Variants in PLXND1 observed in about 807,000 individuals in gnomAD.
PLXND1 encodes plexin D1.
In PLXND1, 54 loss-of-function variants were observed where a neutral mutation model predicts 197.7. The observed-to-expected ratio is 0.27, with a 90% CI of 0.22 to 0.34. PLXND1 has a LOEUF of 0.34. Ranked by LOEUF, PLXND1 falls within the 10% of genes least tolerant of loss-of-function variation. The pLI is 1.00. For synonymous variants in PLXND1, 1,180 were observed against 1,161.2 expected (o/e 1.02, Z -0.33); for missense variants, 2,127 against 2,699.2 (o/e 0.79, Z 4.70).
rs192464570 is a variant in PLXND1 at position 129,557,426 on chromosome 3, G to T, written c.5446-203C>A. Among the ~76,000 whole-genome samples the T allele has an allele frequency of 1.3e-5, 2 of 152,248 alleles. No individual in the cohort carries two copies. Among genetic ancestry groups the T allele is most frequent in the East Asian group, 3.9e-4 (2 of 5,172 alleles). On this transcript the variant is annotated intron_variant, in intron 33 of 35. Coordinates refer to ENST00000324093, the MANE Select transcript of PLXND1 (RefSeq NM_015103.3). This position sits in a 1 kb window ranked among gnomAD's most constrained non-coding sequence, Gnocchi z 4.8. ...CTCCTCACTGTGCTCTGTCTGCCCC[G>T]CCTACTTTCCCCAGGACTGTTAGGA...
rs765232687 is a variant in PLXND1 at position 129,563,142 on chromosome 3, T to TTAC, written c.4619_4620insGTA (p.Thr1540_Leu1541insTer). On this transcript the variant is annotated stop_gained and inframe_insertion, in exon 26 of 36. Transcript: ENST00000324093. LOFTEE classifies it high-confidence loss of function. ...CCCGCAGCAGCCACTCCTCACTGAG[T>TTAC]GTGTAGCGGGCCTTGCCTGTGATGG... The TTAC allele has an allele frequency of 6.2e-7, 1 of 1,612,632 alleles. No homozygotes were observed. Among genetic ancestry groups the TTAC allele is most frequent in the Non-Finnish European group, 8.5e-7 (1 of 1,179,454 alleles).
At chr3:129,582,721 A>C (rs1054175854) in intron 8 of PLXND1, among the ~76,000 whole-genome samples, 2 of 152,222 alleles carry the variant, frequency 1.3e-5, no homozygotes, top group Non-Finnish European at 2.9e-5. Flanking sequence ...AAGTCTCAGA[A>C]ACCAACCAGG....
rs956369173 is a variant in PLXND1, at chr3:129,565,603, C to T, written c.4323-65G>A. On this transcript the variant is annotated intron_variant, in intron 24 of 35. Transcript: ENST00000324093. Reference sequence around the variant, plus strand: ...CTAGGAGCTGTGGGTCCCAGGGTCTCAGTGCCGCCTCATCCCCGGGCCCAT... The same window carrying T: ...CTAGGAGCTGTGGGTCCCAGGGTCTTAGTGCCGCCTCATCCCCGGGCCCAT... The T allele has an allele frequency of 2.9e-6, 4 of 1,394,902 alleles. No individual in the cohort carries two copies. In the African/African-American group the frequency reaches 5.7e-5, roughly 20 times the overall value. 86.4% of individuals were successfully genotyped at this position (1,394,902 alleles called of 1,614,324 possible). A position where few individuals can be genotyped will look rare whatever the true frequency, so the allele number is the denominator to read the frequency against.
chr3:129,585,220 A>G (rs1307070251), intron 5 of PLXND1, among the ~76,000 whole-genome samples: 1 of 152,236 alleles, frequency 6.6e-6, no homozygotes, highest in Non-Finnish European at 1.5e-5. Context: ...ACGGCAGGGC[A>G]GGGCAGAGGA....
intron 1 of PLXND1, among the ~76,000 whole-genome samples, chr3:129,590,832 A>C (rs1560079101): frequency 6.6e-6 from 1 of 152,232 alleles, no homozygotes; most frequent in South Asian, 2.1e-4. Context: ...CCCAGGTAGC[A>C]GACTTGAGCC....
At chr3:129,574,538 C>T (rs765610017) in intron 11 of PLXND1, 48 bp from the exon 12 acceptor site, 2 of 1,563,834 alleles carry the variant, frequency 1.3e-6, no homozygotes, top group East Asian at 4.5e-5. Flanking sequence ...GCGGTGCATG[C>T]CCCAACACCG....
At chr3:129,564,572 G>C (rs1305636949) in intron 25 of PLXND1, among the ~76,000 whole-genome samples, 2 of 152,238 alleles carry the variant, frequency 1.3e-5, no homozygotes, top group Non-Finnish European at 2.9e-5. Context: ...CCTCCAGGCA[G>C]CCCTCTAGCC....
intron 23 of PLXND1, chr3:129,566,270 C>G (rs970771644): frequency 3.4e-6 from 2 of 596,436 alleles, no homozygotes; most frequent in Admixed American, 2.9e-5. Flanking sequence ...CTTCCATTTT[C>G]TAAGCAGGTT....
At chr3:129,570,441 G>T (rs1345180184) in intron 19 of PLXND1, among the ~76,000 whole-genome samples, 1 of 152,150 alleles carries the variant, frequency 6.6e-6, no homozygotes, top group Non-Finnish European at 1.5e-5. Context: ...CATGCAAGGA[G>T]ATAGTGTTCT....
Position 129,562,961 on chromosome 3 carries a change from G to C in PLXND1, c.4669-18C>G. 1.2e-6 allele frequency: 2 copies of C among 1,602,320 alleles called. No homozygotes were observed. The highest frequency in any genetic ancestry group is 4.5e-5 in the East Asian group (2 of 44,486). On this transcript the variant is annotated intron_variant, in intron 26 of 35. Coordinates refer to ENST00000324093, the MANE Select transcript of PLXND1 (RefSeq NM_015103.3). ...TTCAGGTTCTGCAGGGGGAGAGTGG[G>C]AGAGAAAGGTCAGTGAGTTGCTGCC...
intron 1 of PLXND1, among the ~76,000 whole-genome samples, chr3:129,589,824 G>A (rs779882791): frequency 1.3e-5 from 2 of 152,054 alleles, no homozygotes; most frequent in African/African-American, 2.4e-5. Flanking sequence ...CAGGGAGGCC[G>A]GCCAGGGTGA....
chr3:129,605,699 G>C lies in PLXND1; in HGVS notation c.941C>G (p.Ala314Gly). 1 of 1,539,202 alleles carries C rather than the reference G, an allele frequency of 6.5e-7. No individual in the cohort carries two copies. Among genetic ancestry groups the C allele is most frequent in the South Asian group, 1.2e-5 (1 of 83,762 alleles). ...GCAGATGCGCGCCAGCAGGCTCCGC[G>C]CCTGGCTCTCCTTGTCGCCCGCGCG... The part of the protein sequence containing the change: ...EARAGDKESQ[A>G]RSLLARICLP... The change falls in exon 1 of 36, where the codon GCG (alanine) becomes GGG (glycine). Residue 314 changes from alanine to glycine, a missense_variant. By Grantham distance (60) the Ala-to-Gly change is moderately conservative. This residue lies in a region of PLXND1 where 1,095 missense variants were observed against 1,259.8 expected (regional missense o/e 0.87). Transcript: ENST00000324093.
intron 32 of PLXND1, chr3:129,559,369 A>G: frequency 2.4e-6 from 1 of 408,432 alleles, no homozygotes; most frequent in South Asian, 6.3e-5. Flanking sequence ...AATGATAGTA[A>G]GGGCAACACC....
At chr3:129,586,484 A>C in intron 3 of PLXND1, 104 bp downstream of exon 3, 1 of 1,355,268 alleles carries the variant, frequency 7.4e-7, no homozygotes, top group Non-Finnish European at 1.0e-6. Flanking sequence ...AGGGAGATGG[A>C]GGAGGAGGGT....
In PLXND1 at chr3:129,572,908, T is replaced by C. The variant is rs2244708; in HGVS notation, c.2871A>G (p.Pro957=). The C allele has an allele frequency of 0.33, 530,001 of 1,612,062 alleles. 91,252 individuals carry two copies. Among genetic ancestry groups the C allele is most frequent in the African/African-American group, 0.59 (43,857 of 74,938 alleles). The change falls in exon 14 of 36, where the codon CCA becomes CCG. Residue 957 remains proline, a synonymous_variant. Coordinates refer to ENST00000324093, the MANE Select transcript of PLXND1 (RefSeq NM_015103.3). The stretch of plus-strand genomic sequence containing the variant: ...CGTTCACGGTCACCACACCTGAGAG[T>C]GGTCCTGGGGCTGGCCCTGTGACAC... ...IVCVTGPAPG[P]LSGVVTVNAS...
rs2108781640 is a variant in PLXND1 at position 129,577,171 on chromosome 3, C to T, written c.2346+1158G>A. ...CCTCAGCCACCTCAGAACAGCACAC[C>T]CGGCCCGTCCCAGAGCTCCCCAGGG... On this transcript the variant is annotated intron_variant, in intron 9 of 35. Transcript: ENST00000324093. This position sits in a 1 kb window ranked among gnomAD's most constrained non-coding sequence, Gnocchi z 5.0. 6.6e-6 allele frequency among the ~76,000 whole-genome samples: 1 copy of T among 152,288 alleles called. No homozygotes were observed. The highest frequency in any genetic ancestry group is 1.9e-4 in the East Asian group (1 of 5,180).
At chr3:129,571,908 C>CAGGTCTCAGGGGCAT in intron 15 of PLXND1, 64 bp from the exon 16 acceptor site, 9 of 1,491,420 alleles carry the variant, frequency 6.0e-6, no homozygotes, top group Non-Finnish European at 7.3e-6. Flanking sequence ...GCCAATGCCC[C>CAGGTCTCAGGGGCAT]TGAGACCTGG....
At chr3:129,564,701 C>A (rs1040443940) in intron 25 of PLXND1, among the ~76,000 whole-genome samples, 5 of 152,248 alleles carry the variant, frequency 3.3e-5, no homozygotes, top group African/African-American at 1.2e-4. Context: ...GGTTACCGGG[C>A]CCACCCTCTT....
chr3:129,557,001 A>G lies in PLXND1; in HGVS notation c.5586+82T>C. 1 of 1,455,646 alleles carries G rather than the reference A, an allele frequency of 6.9e-7. No homozygotes were observed. Among genetic ancestry groups the G allele is most frequent in the Non-Finnish European group, 9.5e-7 (1 of 1,055,406 alleles). The allele number at this position is 1,455,646 out of a possible 1,614,324, so 90.2% of individuals were successfully genotyped here. On this transcript the variant is annotated intron_variant, in intron 34 of 35. Coordinates refer to ENST00000324093, the MANE Select transcript of PLXND1 (RefSeq NM_015103.3). This position sits in a 1 kb window ranked among gnomAD's most constrained non-coding sequence, Gnocchi z 4.8. ...CCTCTGCGCTCCCTGCCCTTACTCC[A>G]GTGGAGGCATTGAGGCCCAGCCCCC...
Sources: gnomAD v4.1 joint callset for allele counts (sites outside exome capture counted in the v4.1 genomes callset) on GRCh38, gnomAD v4.1.1 for gene constraint, gnomAD v4.1.1 regional missense constraint, Gnocchi (gnomAD v3.1) non-coding constraint, MANE v1.5 for transcripts, NCBI Gene and HGNC (gene_info 2026-07-23, HGNC 2026-07-21) for gene names.